PLCL2: variants seen among roughly 807,000 people sequenced by gnomAD.
PLCL2 encodes the protein inactive phospholipase C-like protein 2.
A neutral mutation model predicts 79.6 loss-of-function variants in PLCL2; 4 were observed. The observed-to-expected ratio is 0.05, with a 90% CI of 0.02 to 0.11. The LOEUF is 0.11. Among genes scored for constraint, PLCL2 ranks in the 10% least tolerant of loss-of-function variants. The probability of loss-of-function intolerance (pLI) is 1.00; values close to 1 mark genes in which losing one functional copy is unlikely to be tolerated. For missense variants in PLCL2, 895 were observed against 1,291.0 expected (o/e 0.69, Z 4.70); for synonymous variants, 484 against 457.7 (o/e 1.06, Z -0.73).
Position 17,042,970 on chromosome 3 carries a change from T to C in PLCL2, c.3094+21T>C, listed in dbSNP as rs200219273. The C allele has an allele frequency of 2.4e-5, 37 of 1,517,698 alleles. No individual in the cohort carries two copies. In the South Asian group the frequency reaches 3.8e-4, roughly 16 times the overall value. 94.0% of individuals were successfully genotyped at this position (1,517,698 alleles called of 1,614,324 possible). On this transcript the variant is annotated intron_variant, in intron 4 of 5. Coordinates refer to ENST00000615277, the MANE Select transcript of PLCL2 (RefSeq NM_001144382.2). Reference sequence around the variant, plus strand: ...GGCAGGTAAGTGAAAGTTTGTTTCCTCTCTTTAAATGAAATTAATAGCATC... The same window carrying C: ...GGCAGGTAAGTGAAAGTTTGTTTCCCCTCTTTAAATGAAATTAATAGCATC...
At chr3:17,064,370 G>A (rs2064986420) in intron 4 of PLCL2, among the ~76,000 whole-genome samples, 1 of 152,018 alleles carries the variant, frequency 6.6e-6, no homozygotes, top group African/African-American at 2.4e-5. Context: ...CCCTTACAAT[G>A]TTCTGCCCAC....
intron 5 of PLCL2, among the ~76,000 whole-genome samples, chr3:17,076,728 C>G (rs1404329038): frequency 6.6e-6 from 1 of 152,084 alleles, no homozygotes; most frequent in Non-Finnish European, 1.5e-5. Context: ...GTTTCAAACT[C>G]CTGGCCTCAA....
chr3:16,927,079 G>A (rs1194716869), intron 1 of PLCL2, among the ~76,000 whole-genome samples: 1 of 152,152 alleles, frequency 6.6e-6, no homozygotes, highest in East Asian at 1.9e-4. Context: ...TGAAGCAAAT[G>A]TAATTTGAAC....
chr3:16,928,870 A>G (rs760429799), intron 1 of PLCL2, among the ~76,000 whole-genome samples: 2 of 152,164 alleles, frequency 1.3e-5, no homozygotes. Context: ...ACATTCATGA[A>G]TTTGCTTCTT....
intron 1 of PLCL2, among the ~76,000 whole-genome samples, chr3:16,996,037 T>G (rs2064149645): frequency 6.6e-6 from 1 of 152,104 alleles, no homozygotes; most frequent in Non-Finnish European, 1.5e-5. Context: ...GGACAGAGAA[T>G]AATATGGGCA....
intron 1 of PLCL2, among the ~76,000 whole-genome samples, chr3:16,967,214 C>A (rs1575559274): frequency 6.6e-6 from 1 of 152,066 alleles, no homozygotes; most frequent in Non-Finnish European, 1.5e-5. Context: ...TGTGAGTAGT[C>A]CTGCAGTGAA....
At chr3:16,911,726 A>T (rs995890403) in intron 1 of PLCL2, among the ~76,000 whole-genome samples, 2 of 152,198 alleles carry the variant, frequency 1.3e-5, no homozygotes, top group African/African-American at 4.8e-5. Context: ...ATCAATTTTC[A>T]TGCAAAATAC....
At chr3:16,969,992 A>T (rs2063842295) in intron 1 of PLCL2, among the ~76,000 whole-genome samples, 1 of 149,832 alleles carries the variant, frequency 6.7e-6, no homozygotes, top group South Asian at 2.1e-4. Context: ...CAGTTGTTTA[A>T]TTTCTATGTA....
chr3:16,906,991 T>C (rs959608279), intron 1 of PLCL2, among the ~76,000 whole-genome samples: 2 of 152,244 alleles, frequency 1.3e-5, no homozygotes, highest in African/African-American at 4.8e-5. Flanking sequence ...ATCATTCTTA[T>C]AACTTCTGAA....
chr3:17,011,727 G>A lies in PLCL2; in HGVS notation c.2381G>A (p.Cys794Tyr), dbSNP rs1257614788. Residue 794 changes from cysteine to tyrosine, a missense_variant, in exon 2 of 6, where the codon TGT (cysteine) becomes TAT (tyrosine). Physicochemically the swap from Cys to Tyr is radical, Grantham distance 194 (BLOSUM62 -2). Coordinates refer to ENST00000615277, the MANE Select transcript of PLCL2 (RefSeq NM_001144382.2). This position sits in a 1 kb window ranked among gnomAD's most constrained non-coding sequence, Gnocchi z 7.9. ...YVEIHGIPAD[C>Y]AEQRTKTVHQ... is the part of the protein sequence containing the mutation. ...GAAATCCATGGAATCCCTGCTGATT[G>A]TGCAGAACAAAGGACAAAAACAGTG... The A allele has an allele frequency of 1.9e-6, 3 of 1,614,010 alleles. No homozygotes were observed. Among genetic ancestry groups the A allele is most frequent in the South Asian group, 1.1e-5 (1 of 91,090 alleles).
chr3:16,990,531 C>T (rs1042418754), intron 1 of PLCL2, among the ~76,000 whole-genome samples: 5 of 152,152 alleles, frequency 3.3e-5, no homozygotes, highest in African/African-American at 1.2e-4. Context: ...TATTTAGGTC[C>T]AAGAGATTAA....
chr3:16,973,806 T>C (rs1019812560), intron 1 of PLCL2, among the ~76,000 whole-genome samples: 1 of 152,250 alleles, frequency 6.6e-6, no homozygotes, highest in Non-Finnish European at 1.5e-5. Flanking sequence ...GTCATGATTT[T>C]GCTCTCAAGG....
At chr3:16,997,543 T>G (rs1400028864) in intron 1 of PLCL2, among the ~76,000 whole-genome samples, 2 of 150,646 alleles carry the variant, frequency 1.3e-5, no homozygotes, top group Non-Finnish European at 3.0e-5. Flanking sequence ...TTTTTTTTTT[T>G]TTTTTGAGAT....
intron 1 of PLCL2, among the ~76,000 whole-genome samples, chr3:16,931,080 A>G (rs982800624): frequency 6.6e-6 from 1 of 151,842 alleles, no homozygotes; most frequent in Non-Finnish European, 1.5e-5. Context: ...CCCAAATACT[A>G]CATCCTTGGC....
intron 4 of PLCL2, among the ~76,000 whole-genome samples, chr3:17,055,787 A>G (rs2064886192): frequency 6.6e-6 from 1 of 152,170 alleles, no homozygotes. Context: ...TTCTGAGTTC[A>G]TGCTCTTTCC....
rs553395979 is a variant in PLCL2 at position 16,972,477 on chromosome 3, G to T, written c.328-37197G>T. 3.9e-5 allele frequency among the ~76,000 whole-genome samples: 6 copies of T among 152,270 alleles called. No homozygotes were observed. In the East Asian group the frequency reaches 1.2e-3, roughly 29 times the overall value. ...AAATAAGAAGAATGTATATTCTGTT[G>T]TTTTGGGGTGGAGAGTTCTGTAGAT... On this transcript the variant is annotated intron_variant, in intron 1 of 5. Coordinates refer to ENST00000615277, the MANE Select transcript of PLCL2 (RefSeq NM_001144382.2).
At chr3:16,937,055 A>C (rs1019664417) in intron 1 of PLCL2, among the ~76,000 whole-genome samples, 7 of 152,286 alleles carry the variant, frequency 4.6e-5, no homozygotes, top group African/African-American at 1.2e-4. Flanking sequence ...ACTAAATGCC[A>C]GTAACACCCC....
chr3:16,994,262 T>C lies in PLCL2; in HGVS notation c.328-15412T>C, dbSNP rs149914508. ...GGACCTTCTGCAGTCCAAATTCACA[T>C]TACTCTATTTTGCAAATGCTTTAGA... is the stretch of plus-strand genomic sequence containing the variant. On this transcript the variant is annotated intron_variant, in intron 1 of 5. Coordinates refer to ENST00000615277, the MANE Select transcript of PLCL2 (RefSeq NM_001144382.2). Among the ~76,000 whole-genome samples the C allele has an allele frequency of 7.2e-5, 11 of 152,336 alleles. No individual in the cohort carries two copies. In the East Asian group the frequency reaches 2.1e-3, roughly 29 times the overall value.
intron 1 of PLCL2, among the ~76,000 whole-genome samples, chr3:16,963,200 A>G (rs1368075502): frequency 2.6e-5 from 4 of 152,120 alleles, no homozygotes. Flanking sequence ...GGGTATAGTG[A>G]CCTAATACAT....
Sources: allele counts gnomAD v4.1 joint callset (sites outside exome capture counted in the v4.1 genomes callset), GRCh38; gene constraint gnomAD v4.1.1; non-coding constraint Gnocchi (gnomAD v3.1); transcripts MANE v1.5; gene names NCBI Gene and HGNC (gene_info 2026-07-23, HGNC 2026-07-21).